PTPRK: variants seen among roughly 807,000 people sequenced by gnomAD.
The protein encoded by PTPRK is protein tyrosine phosphatase receptor type K, also known as receptor-type tyrosine-protein phosphatase kappa.
In PTPRK, 75 loss-of-function variants were observed where a neutral mutation model predicts 178.0. The ratio of observed to expected loss-of-function variants is 0.42; its 90% CI spans 0.35 to 0.51. PTPRK has a LOEUF of 0.51. Ranked by LOEUF, PTPRK falls within the 20% of genes least tolerant of loss-of-function variation. The pLI, the probability that PTPRK is intolerant of heterozygous loss-of-function variation, is 0.02. For missense variants in PTPRK, 1,441 were observed against 1,797.8 expected, an observed-to-expected ratio of 0.80 and a Z score of 3.59; for synonymous variants, 637 against 620.6, an observed-to-expected ratio of 1.03 and a Z score of -0.39.
intron 21 of PTPRK, among the ~76,000 whole-genome samples, chr6:127,988,669 C>T (rs370385497): frequency 6.6e-6 from 1 of 151,944 alleles, no homozygotes; most frequent in South Asian, 2.1e-4. Context: ...TTTTCCATAG[C>T]TTTTCTAATA....
intron 2 of PTPRK, among the ~76,000 whole-genome samples, chr6:128,357,082 G>A (rs186501475): frequency 4.3e-4 from 65 of 152,280 alleles, no homozygotes; most frequent in Non-Finnish European, 9.3e-4. Context: ...ATTTAAGAAT[G>A]AGGATGGAGG....
At chr6:128,207,535 C>T (rs1038889929) in intron 6 of PTPRK, among the ~76,000 whole-genome samples, 1 of 152,120 alleles carries the variant, frequency 6.6e-6, no homozygotes, top group Non-Finnish European at 1.5e-5. Context: ...ACCTCAGCAA[C>T]ACAAACATAG....
At chr6:128,389,571 G>A (rs570254046) in intron 2 of PTPRK, among the ~76,000 whole-genome samples, 1 of 151,260 alleles carries the variant, frequency 6.6e-6, no homozygotes, top group African/African-American at 2.4e-5. Flanking sequence ...CTGTATTTTC[G>A]GTCACACTCC....
chr6:128,241,222 C>T (rs1814372446), intron 4 of PTPRK: 1 of 533,066 alleles, frequency 1.9e-6, no homozygotes, highest in Admixed American at 1.9e-5. Context: ...TAGTGACTTA[C>T]CTCTCAGGAA....
At chr6:128,475,908 T>C (rs575381370) in intron 1 of PTPRK, among the ~76,000 whole-genome samples, 1 of 152,018 alleles carries the variant, frequency 6.6e-6, no homozygotes, top group African/African-American at 2.4e-5. Context: ...CGATGTTCAG[T>C]GTCAAGTATT....
chr6:128,285,133 T>G (rs1822263137), intron 3 of PTPRK, among the ~76,000 whole-genome samples: 1 of 152,258 alleles, frequency 6.6e-6, no homozygotes, highest in Non-Finnish European at 1.5e-5. Flanking sequence ...AAACTGACTT[T>G]TGCCATCCCT....
intron 6 of PTPRK, among the ~76,000 whole-genome samples, chr6:128,204,323 G>C (rs1806523838): frequency 1.3e-5 from 2 of 152,076 alleles, no homozygotes; most frequent in South Asian, 2.1e-4. Context: ...AAAAAGCCTA[G>C]AAGGAAATCT....
In PTPRK at chr6:128,107,220, TTTG is replaced by T. The variant is rs1394705183; in HGVS notation, c.1163-17231_1163-17229del. Among the ~76,000 whole-genome samples, 8 of 152,164 alleles carry T rather than the reference TTTG, an allele frequency of 5.3e-5. No homozygotes were observed. The East Asian group carries it at 1.3e-3, about 26-fold the overall frequency. On this transcript the variant is annotated intron_variant, in intron 7 of 29. Coordinates refer to ENST00000368226, the MANE Select transcript of PTPRK (RefSeq NM_002844.4). ...ATATAATATATAAGTATATAAATTGTTTGTTTTTAGAAGAAATTTATAGCATAA... is the reference window on the plus strand; with the variant it reads ...ATATAATATATAAGTATATAAATTGTTTTTTAGAAGAAATTTATAGCATAA...
At chr6:128,184,805 T>C (rs1802491473) in intron 6 of PTPRK, 80 bp from the exon 7 acceptor site, 1 of 1,314,172 alleles carries the variant, frequency 7.6e-7, no homozygotes, top group African/African-American at 1.5e-5. Context: ...AAGGCCTAAA[T>C]GCTTAATGGA....
intron 2 of PTPRK, among the ~76,000 whole-genome samples, chr6:128,367,685 A>G (rs1181740152): frequency 6.6e-6 from 1 of 152,170 alleles, no homozygotes; most frequent in African/African-American, 2.4e-5. Flanking sequence ...ATAAAAGATA[A>G]TATTAAGTAT....
intron 5 of PTPRK, among the ~76,000 whole-genome samples, chr6:128,230,556 T>C (rs190938920): frequency 6.6e-6 from 1 of 152,306 alleles, no homozygotes; most frequent in East Asian, 1.9e-4. Context: ...AGTTTTTATT[T>C]TTGTGTGGTA....
intron 3 of PTPRK, among the ~76,000 whole-genome samples, chr6:128,286,307 T>C (rs1288416168): frequency 6.6e-6 from 1 of 152,202 alleles, no homozygotes; most frequent in Non-Finnish European, 1.5e-5. Context: ...CCATTACTTT[T>C]CCAAATATTT....
At chr6:128,340,734 T>A in intron 2 of PTPRK, 1 of 452,952 alleles carries the variant, frequency 2.2e-6, no homozygotes, top group South Asian at 1.7e-5. Flanking sequence ...TGCAAATAGA[T>A]TTAAGAGTGG....
intron 3 of PTPRK, among the ~76,000 whole-genome samples, chr6:128,310,860 A>G (rs926924338): frequency 2.6e-5 from 4 of 152,200 alleles, no homozygotes; most frequent in African/African-American, 9.7e-5. Context: ...TATTGGACAC[A>G]GAACTTGTCC....
At chr6:128,255,104 C>T (rs1817065769) in intron 3 of PTPRK, among the ~76,000 whole-genome samples, 2 of 152,188 alleles carry the variant, frequency 1.3e-5, no homozygotes, top group South Asian at 2.1e-4. Context: ...GATTCTCCTG[C>T]CTCAGCCTCC....
At chr6:127,982,791 T>A in intron 24 of PTPRK, 40 bp downstream of exon 24, 1 of 1,555,624 alleles carries the variant, frequency 6.4e-7, no homozygotes, top group Non-Finnish European at 8.8e-7. Flanking sequence ...CAGAACAAAT[T>A]GTAGTAAGTC....
intron 6 of PTPRK, among the ~76,000 whole-genome samples, chr6:128,214,561 T>G (rs1186639901): frequency 2.6e-5 from 4 of 151,818 alleles, no homozygotes; most frequent in African/African-American, 9.7e-5. Flanking sequence ...ATTATTATTA[T>G]TATTATTATT....
chr6:128,356,572 C>T (rs901205546), intron 2 of PTPRK, among the ~76,000 whole-genome samples: 3 of 152,228 alleles, frequency 2.0e-5, no homozygotes, highest in Admixed American at 6.5e-5. Flanking sequence ...CTTTTTCCTG[C>T]TACTTCTCTG....
At chr6:128,190,687 TG>T (rs1803639264) in intron 6 of PTPRK, among the ~76,000 whole-genome samples, 1 of 151,646 alleles carries the variant, frequency 6.6e-6, no homozygotes, top group African/African-American at 2.4e-5. Context: ...TTAGTAGAGA[TG>T]GGGTTTTACC....
Sources: gnomAD v4.1 joint callset for allele counts (sites outside exome capture counted in the v4.1 genomes callset) on GRCh38, gnomAD v4.1.1 for gene constraint, MANE v1.5 for transcripts, NCBI Gene and HGNC (gene_info 2026-07-23, HGNC 2026-07-21) for gene names.